The following ACTR3C variants were observed in gnomAD, a reference collection of about 807,000 sequenced individuals.
ACTR3C encodes the protein actin related protein 3C.
A neutral mutation model predicts 26.3 loss-of-function variants in ACTR3C; 18 were observed. The observed-to-expected ratio is 0.68, with a 90% CI of 0.47 to 1.01. The LOEUF (loss-of-function observed/expected upper bound fraction) is 1.01, where lower values mean the gene tolerates loss of function less well. Among genes scored for constraint, ACTR3C ranks in the 50% least tolerant of loss-of-function variants. The pLI, the probability that ACTR3C is intolerant of heterozygous loss-of-function variation, is 0.00. For missense variants in ACTR3C, 184 were observed against 250.7 expected, an observed-to-expected ratio of 0.73 and a Z score of 1.80; for synonymous variants, 55 against 94.5, an observed-to-expected ratio of 0.58 and a Z score of 2.42.
At chr7:150,158,836 GCACACACAGGCA>G in the ACTR3C span, among the ~76,000 whole-genome samples, 2 of 147,538 alleles carry the variant, frequency 1.4e-5, no homozygotes, top group Non-Finnish European at 3.0e-5. Context: ...GCACACACAG[GCACACACAGGCA>G]CACACACAGG....
At chr7:150,257,525 A>G (rs1198212200) in intron 6 of ACTR3C, among the ~76,000 whole-genome samples, 2 of 152,224 alleles carry the variant, frequency 1.3e-5, no homozygotes, top group Non-Finnish European at 2.9e-5. Context: ...GCTGGCCCTG[A>G]TCAGGGAGGA....
At chr7:149,989,835 G>A in the ACTR3C span, among the ~76,000 whole-genome samples, 1 of 152,094 alleles carries the variant, frequency 6.6e-6, no homozygotes, top group Non-Finnish European at 1.5e-5. Context: ...TTCTATTTTG[G>A]ATTTTTTTTA....
At chr7:149,989,865 T>C in the ACTR3C span, among the ~76,000 whole-genome samples, 1 of 152,176 alleles carries the variant, frequency 6.6e-6, no homozygotes, top group Non-Finnish European at 1.5e-5. Context: ...CACACTATTT[T>C]CCATATGGCT....
At chr7:150,157,730 G>T in the ACTR3C span, among the ~76,000 whole-genome samples, 1 of 152,100 alleles carries the variant, frequency 6.6e-6, no homozygotes, top group Admixed American at 6.5e-5. Flanking sequence ...GAGGAATTAC[G>T]GAAGTGTTAC....
At chr7:150,257,175 G>C (rs1833278391) in intron 6 of ACTR3C, among the ~76,000 whole-genome samples, 1 of 152,122 alleles carries the variant, frequency 6.6e-6, no homozygotes, top group East Asian at 1.9e-4. Context: ...AAAAATTATA[G>C]CATTAAAAAA....
chr7:150,011,759 C>T, the ACTR3C span, among the ~76,000 whole-genome samples: 1 of 152,182 alleles, frequency 6.6e-6, no homozygotes, highest in South Asian at 2.1e-4. Flanking sequence ...AACAACATCA[C>T]AGTTCCAGAA....
At chr7:149,940,506 T>C in the ACTR3C span, among the ~76,000 whole-genome samples, 1 of 151,984 alleles carries the variant, frequency 6.6e-6, no homozygotes, top group Non-Finnish European at 1.5e-5. Flanking sequence ...ATTTGTATTT[T>C]GGGAGAGGGT....
the ACTR3C span, among the ~76,000 whole-genome samples, chr7:149,921,637 G>C: frequency 6.6e-6 from 1 of 152,168 alleles, no homozygotes; most frequent in African/African-American, 2.4e-5. Context: ...AGCACTTTGG[G>C]AGGCTGAGGC....
At chr7:150,233,543 C>T in the ACTR3C span, among the ~76,000 whole-genome samples, 1 of 151,418 alleles carries the variant, frequency 6.6e-6, no homozygotes, top group Non-Finnish European at 1.5e-5. Context: ...GTATATTATA[C>T]TTTCGAAATT....
the ACTR3C span, among the ~76,000 whole-genome samples, chr7:149,911,071 G>A: frequency 1.3e-5 from 2 of 152,006 alleles, no homozygotes; most frequent in Non-Finnish European, 2.9e-5. Flanking sequence ...ACTCCACTCC[G>A]GGGTTCCACC....
the ACTR3C span, among the ~76,000 whole-genome samples, chr7:150,076,148 T>C: frequency 5.6e-3 from 855 of 152,034 alleles, 6 homozygotes; most frequent in African/African-American, 0.019. Context: ...TGCTTGTTTT[T>C]CTAGATCTAG....
chr7:150,037,862 G>A, the ACTR3C span, among the ~76,000 whole-genome samples: 4 of 103,896 alleles, frequency 3.9e-5, no homozygotes, highest in Admixed American at 1.8e-4. Context: ...CGCCCCCAGC[G>A]ATGGGGGTCC....
At chr7:150,186,604 ACTC>A in the ACTR3C span, among the ~76,000 whole-genome samples, 5 of 151,702 alleles carry the variant, frequency 3.3e-5, no homozygotes, top group African/African-American at 9.7e-5. Flanking sequence ...CAGTGAAATT[ACTC>A]CTCATTTTTC....
downstream of ACTR3C, among the ~76,000 whole-genome samples, chr7:150,239,151 G>A (rs935615116): frequency 2.0e-5 from 3 of 151,632 alleles, no homozygotes; most frequent in Admixed American, 2.0e-4. Context: ...TTTCAGGCAC[G>A]CTGGCTGCTT....
the ACTR3C span, among the ~76,000 whole-genome samples, chr7:150,047,111 G>A: frequency 1.3e-5 from 2 of 151,724 alleles, no homozygotes; most frequent in Admixed American, 6.6e-5. Flanking sequence ...GAACGAAGGA[G>A]AGGCATTTGA....
At chr7:150,193,416 T>C in the ACTR3C span, among the ~76,000 whole-genome samples, 1 of 150,842 alleles carries the variant, frequency 6.6e-6, no homozygotes, top group African/African-American at 2.4e-5. Context: ...TTCTTTTTTT[T>C]TTTTTGTCTT....
chr7:150,239,660 A>G (rs1456216808), downstream of ACTR3C, among the ~76,000 whole-genome samples: 1 of 148,558 alleles, frequency 6.7e-6, no homozygotes, highest in Non-Finnish European at 1.5e-5. Context: ...ACATGGGTGG[A>G]ACTGGCTAGA....
chr7:150,195,888 T>A, the ACTR3C span, among the ~76,000 whole-genome samples: 16 of 151,542 alleles, frequency 1.1e-4, no homozygotes, highest in African/African-American at 2.7e-4. Context: ...CAAAAAAAAA[T>A]AATAATAATT....
the ACTR3C span, among the ~76,000 whole-genome samples, chr7:150,181,923 AAC>A: frequency 6.6e-6 from 1 of 150,568 alleles, no homozygotes; most frequent in Non-Finnish European, 1.5e-5. Context: ...ATCAGTGAAC[AAC>A]ACAAACAGCC....
Sources: allele counts gnomAD v4.1 joint callset (sites outside exome capture counted in the v4.1 genomes callset), GRCh38; gene constraint gnomAD v4.1.1; transcripts MANE v1.5; gene names NCBI Gene and HGNC (gene_info 2026-07-23, HGNC 2026-07-21).